The following RARB variants were observed in gnomAD, a reference collection of about 807,000 sequenced individuals.
RARB encodes the protein retinoic acid receptor beta, also known as HBV-activated protein.
In RARB, 17 loss-of-function variants were observed where a neutral mutation model predicts 51.9. That is an observed-to-expected ratio of 0.33 (90% confidence interval 0.22 to 0.49). The LOEUF is 0.49. Among genes scored for constraint, RARB ranks in the 20% least tolerant of loss-of-function variants. The probability of loss-of-function intolerance (pLI) is 0.99; values close to 1 mark genes in which losing one functional copy is unlikely to be tolerated. For missense variants in RARB, 369 were observed against 550.8 expected, an observed-to-expected ratio of 0.67 and a Z score of 3.30; for synonymous variants, 215 against 195.4, an observed-to-expected ratio of 1.10 and a Z score of -0.84.
chr3:25,202,191 A>G (rs1000171702), intron 5 of RARB, among the ~76,000 whole-genome samples: 1 of 152,024 alleles, frequency 6.6e-6, no homozygotes, highest in African/African-American at 2.4e-5. Flanking sequence ...GAATTTATCC[A>G]TTTCTTCTAG....
At chr3:25,101,289 A>G (rs1353129954) in intron 3 of RARB, among the ~76,000 whole-genome samples, 3 of 152,178 alleles carry the variant, frequency 2.0e-5, no homozygotes, top group African/African-American at 4.8e-5. Context: ...CTGGAAACCA[A>G]TAAGAAGAGC....
chr3:25,142,931 A>G (rs1700133138), intron 4 of RARB, among the ~76,000 whole-genome samples: 1 of 152,154 alleles, frequency 6.6e-6, no homozygotes, highest in African/African-American at 2.4e-5. Flanking sequence ...AGTCTCAGAG[A>G]TAATATCTAC....
intron 2 of RARB, among the ~76,000 whole-genome samples, chr3:25,498,109 A>G (rs746069190): frequency 2.6e-5 from 4 of 152,192 alleles, no homozygotes; most frequent in African/African-American, 4.8e-5. Context: ...CTCTTATTTC[A>G]TGAGTACCTT....
intron 2 of RARB, among the ~76,000 whole-genome samples, chr3:24,894,690 C>A (rs867492142): frequency 2.6e-5 from 4 of 152,292 alleles, no homozygotes; most frequent in Admixed American, 6.5e-5. Context: ...AGCCAGTTTA[C>A]TCTTGGCTAG....
In RARB at chr3:25,384,107, C is replaced by A. The variant is rs73157843; in HGVS notation, c.179-77086C>A. ...TGTCCCCTTAACTTCTTGAAACAAA[C>A]CATCAAACAGAATCCACTTTTCTGT... On this transcript the variant is annotated intron_variant, in intron 5 of 11. Transcript: ENST00000383772. Among the ~76,000 whole-genome samples, 902 of 152,190 alleles carry A rather than the reference C, an allele frequency of 5.9e-3. 16 individuals are homozygous for A. Among genetic ancestry groups the A allele is most frequent in the African/African-American group, 0.021 (856 of 41,526 alleles).
In RARB at chr3:25,302,482, T is replaced by C. The variant is rs148707418; in HGVS notation, c.178+127907T>C. 2.7e-3 allele frequency among the ~76,000 whole-genome samples: 412 copies of C among 152,294 alleles called. 1 individual carries two copies. Among genetic ancestry groups the C allele is most frequent in the Non-Finnish European group, 4.5e-3 (308 of 68,032 alleles). ...CAACATGGATAAACCCTGAATACAT[T>C]ATGCTGAGTAAAAGAAACCAGTCAC... On this transcript the variant is annotated intron_variant, in intron 5 of 11. Transcript: ENST00000383772.
rs145450847 is a variant in RARB at position 25,023,246 on chromosome 3, T to C, written c.-379-36879T>C. 9.8e-5 allele frequency among the ~76,000 whole-genome samples: 15 copies of C among 152,314 alleles called. 1 individual carries two copies. The East Asian group carries it at 2.5e-3, about 26-fold the overall frequency. ...CATGCAACCCTTGGGTACAGGATTA[T>C]ACTCCACAGTAATGTGAGAAAAGTA... On this transcript the variant is annotated intron_variant, in intron 2 of 11. Transcript: ENST00000383772.
chr3:25,004,727 A>G (rs1343856688), intron 2 of RARB, among the ~76,000 whole-genome samples: 1 of 152,128 alleles, frequency 6.6e-6, no homozygotes, highest in Non-Finnish European at 1.5e-5. Context: ...CATTCCCAAT[A>G]GTTAGCCTTT....
chr3:25,319,212 T>C lies in RARB; in HGVS notation c.179-141981T>C, dbSNP rs556022735. Among the ~76,000 whole-genome samples the C allele has an allele frequency of 3.3e-5, 5 of 152,294 alleles. No individual in the cohort carries two copies. In the South Asian group the frequency reaches 1.0e-3, roughly 32 times the overall value. Reference sequence around the variant, plus strand: ...TGAGGAATAAGGGAAGTGACATGCATGTTTTCTCACCCTCTTATCCTGGTG... The same window carrying C: ...TGAGGAATAAGGGAAGTGACATGCACGTTTTCTCACCCTCTTATCCTGGTG... On this transcript the variant is annotated intron_variant, in intron 5 of 11. Transcript: ENST00000383772.
chr3:25,589,079 A>G (rs1701515822), intron 5 of RARB, among the ~76,000 whole-genome samples: 1 of 152,210 alleles, frequency 6.6e-6, no homozygotes, highest in South Asian at 2.1e-4. Flanking sequence ...TTTTAAAACA[A>G]TGTTATTTCT....
intron 4 of RARB, among the ~76,000 whole-genome samples, chr3:25,166,066 G>A (rs1023469032): frequency 2.2e-4 from 33 of 151,838 alleles, no homozygotes; most frequent in Middle Eastern, 3.4e-3. Context: ...TCCCTCACTC[G>A]GTGGTCTAAG....
chr3:25,585,957 T>C (rs1219519516), intron 5 of RARB, among the ~76,000 whole-genome samples: 2 of 152,108 alleles, frequency 1.3e-5, no homozygotes. Flanking sequence ...GAGCCAGGAC[T>C]GGGTGGGCAG....
intron 2 of RARB, among the ~76,000 whole-genome samples, chr3:24,951,239 A>G (rs1695885010): frequency 1.3e-5 from 2 of 152,090 alleles, no homozygotes. Context: ...CCAGACCTTT[A>G]GGAGGGGAGG....
chr3:25,468,332 C>A (rs935555909), intron 2 of RARB, among the ~76,000 whole-genome samples: 25 of 147,134 alleles, frequency 1.7e-4, no homozygotes, highest in African/African-American at 5.8e-4. Flanking sequence ...AAGAAGAAAA[C>A]TACCCTTGTT....
chr3:24,943,025 T>C (rs74401633), intron 2 of RARB, among the ~76,000 whole-genome samples: 3,990 of 152,286 alleles, frequency 0.026, 158 homozygotes, highest in African/African-American at 0.083. Flanking sequence ...GAAGACCAGC[T>C]ACCACAATCC....
intron 5 of RARB, among the ~76,000 whole-genome samples, chr3:25,307,369 A>G (rs1704177887): frequency 6.6e-6 from 1 of 151,670 alleles, no homozygotes; most frequent in African/African-American, 2.4e-5. Context: ...CCTTTGAGAC[A>G]GAACGAAACT....
chr3:25,487,803 A>G (rs1430753621), intron 2 of RARB, among the ~76,000 whole-genome samples: 1 of 152,222 alleles, frequency 6.6e-6, no homozygotes, highest in Non-Finnish European at 1.5e-5. Flanking sequence ...CACGGGGTCT[A>G]TTCTAATGCT....
At chr3:24,831,685 A>G (rs1702284599) in intron 1 of RARB, among the ~76,000 whole-genome samples, 1 of 143,074 alleles carries the variant, frequency 7.0e-6, no homozygotes, top group African/African-American at 2.8e-5. Flanking sequence ...AGCATGAAGG[A>G]AAAAAAAAAA....
chr3:24,920,643 C>T (rs1052792455), intron 2 of RARB, among the ~76,000 whole-genome samples: 4 of 152,180 alleles, frequency 2.6e-5, no homozygotes, highest in African/African-American at 9.6e-5. Context: ...ACTCTTCTCT[C>T]CTGACTCTCA....
Sources: gnomAD v4.1 joint callset for allele counts (sites outside exome capture counted in the v4.1 genomes callset) on GRCh38, gnomAD v4.1.1 for gene constraint, MANE v1.5 for transcripts, NCBI Gene and HGNC (gene_info 2026-07-23, HGNC 2026-07-21) for gene names.